The following SLC25A33 variants were observed in gnomAD, a reference collection of about 807,000 sequenced individuals.
The protein encoded by SLC25A33 is solute carrier family 25 member 33, also known as bone marrow stromal cell mitochondrial carrier protein.
In SLC25A33, 15 loss-of-function variants were observed where a neutral mutation model predicts 35.5. That is an observed-to-expected ratio of 0.42 (90% confidence interval 0.28 to 0.65). SLC25A33 has a LOEUF of 0.65. SLC25A33 is among the 30% of genes least tolerant of loss of function. SLC25A33 has a pLI of 0.20. For missense variants in SLC25A33, 257 were observed against 398.5 expected (o/e 0.64, Z 3.02); for synonymous variants, 136 against 148.7 (o/e 0.91, Z 0.62).
intron 2 of SLC25A33, among the ~76,000 whole-genome samples, 191 bp downstream of exon 2, chr1:9,553,996 A>C (rs1362557069): frequency 6.6e-6 from 1 of 152,182 alleles, no homozygotes; most frequent in Non-Finnish European, 1.5e-5. Flanking sequence ...GTCCCAGTGT[A>C]CATGTGACCA....
At chr1:9,554,656 C>CT (rs563110907) in intron 2 of SLC25A33, among the ~76,000 whole-genome samples, 67 of 151,222 alleles carry the variant, frequency 4.4e-4, no homozygotes, top group Middle Eastern at 3.4e-3. Context: ...ACCACACCAG[C>CT]TTTTTTTTTG....
chr1:9,567,185 T>A lies in SLC25A33; in HGVS notation c.237-99T>A, dbSNP rs200451043. On this transcript the variant is annotated intron_variant, in intron 2 of 6. Coordinates refer to ENST00000302692, the MANE Select transcript of SLC25A33 (RefSeq NM_032315.3). The stretch of plus-strand genomic sequence containing the variant: ...GTCGAGCTTGACATCTCTCAAACAT[T>A]TTATTCTCTCAAGGAACTAATGAGA... The A allele has an allele frequency of 1.3e-5, 13 of 1,002,624 alleles. No homozygotes were observed. In the East Asian group the frequency reaches 3.1e-4, roughly 24 times the overall value. The allele number at this position is 1,002,624 out of a possible 1,614,324, so 62.1% of individuals were successfully genotyped here. A position where few individuals can be genotyped will look rare whatever the true frequency, so the allele number is the denominator to read the frequency against.
intron 2 of SLC25A33, among the ~76,000 whole-genome samples, chr1:9,564,765 T>TATATATATATATATATATACAC (rs59741987): frequency 1.0e-3 from 120 of 114,738 alleles, no homozygotes; most frequent in Non-Finnish European, 1.7e-3. Context: ...TATATATATA[T>TATATATATATATATATATACAC]ACACAAAAAT....
chr1:9,580,629 G>A (rs1050401463), intron 6 of SLC25A33, among the ~76,000 whole-genome samples: 2 of 152,022 alleles, frequency 1.3e-5, no homozygotes, highest in African/African-American at 2.4e-5. Context: ...AGGCTGAGGC[G>A]GGCGGATCAT....
At chr1:9,541,836 G>A (rs773340669) in intron 1 of SLC25A33, among the ~76,000 whole-genome samples, 74 of 151,310 alleles carry the variant, frequency 4.9e-4, no homozygotes, top group Admixed American at 1.1e-3. Context: ...GTCTTGCTCT[G>A]TCTCCCAGGC....
rs199932954 is a variant in SLC25A33 at position 9,542,473 on chromosome 1, C to CT, written c.56+2727dup. Among the ~76,000 whole-genome samples the CT allele has an allele frequency of 8.7e-3, 1,320 of 152,280 alleles. 69 individuals are homozygous for CT. The highest frequency in any genetic ancestry group is 0.066 in the Admixed American group (1,003 of 15,280). ...GTAACTAATTGGATTTTGATCCACT[C>CT]TCACTAGCCTAAAATATTTTACTTT... On this transcript the variant is annotated intron_variant, in intron 1 of 6. Transcript: ENST00000302692.
At chr1:9,561,041 C>CCGGATTCAAG in intron 2 of SLC25A33, among the ~76,000 whole-genome samples, 1 of 151,712 alleles carries the variant, frequency 6.6e-6, no homozygotes, top group East Asian at 1.9e-4. Context: ...CCTCTGTCTC[C>CCGGATTCAAG]CGGATTCAAG....
chr1:9,564,545 A>G (rs1160670572), intron 2 of SLC25A33, among the ~76,000 whole-genome samples: 1 of 151,822 alleles, frequency 6.6e-6, no homozygotes, highest in Non-Finnish European at 1.5e-5. Flanking sequence ...TGAATGGATA[A>G]TAAAATGTGG....
At chr1:9,556,045 TG>T in intron 2 of SLC25A33, 2 of 207,010 alleles carry the variant, frequency 9.7e-6, no homozygotes, top group Non-Finnish European at 1.7e-5. Flanking sequence ...GCAGGAAAGT[TG>T]GGGGTGGGTA....
chr1:9,540,958 C>T (rs1342923769), intron 1 of SLC25A33, among the ~76,000 whole-genome samples: 1 of 152,010 alleles, frequency 6.6e-6, no homozygotes, highest in African/African-American at 2.4e-5. Flanking sequence ...CCTTGCAACC[C>T]TTCCCTCCAT....
intron 2 of SLC25A33, chr1:9,556,050 G>GT: frequency 4.4e-6 from 1 of 229,116 alleles, no homozygotes; most frequent in Non-Finnish European, 7.2e-6. Flanking sequence ...AAAGTTGGGG[G>GT]TGGGTACAGG....
At chr1:9,580,255 T>C in intron 6 of SLC25A33, 21 bp downstream of exon 6, 8 of 1,605,720 alleles carry the variant, frequency 5.0e-6, no homozygotes, top group Non-Finnish European at 6.8e-6. Flanking sequence ...CTTTTGTTCT[T>C]CCAGAGCAGT....
chr1:9,540,438 G>C (rs1246313453), intron 1 of SLC25A33, among the ~76,000 whole-genome samples: 1 of 152,038 alleles, frequency 6.6e-6, no homozygotes, highest in Non-Finnish European at 1.5e-5. Flanking sequence ...CTATGGTCAG[G>C]CACCTTTTTT....
chr1:9,574,508 AAC>A (rs988452767), intron 5 of SLC25A33, among the ~76,000 whole-genome samples: 6 of 152,228 alleles, frequency 3.9e-5, no homozygotes, highest in African/African-American at 7.2e-5. Flanking sequence ...AGAAATGATA[AAC>A]AGTGTCCTGT....
At chr1:9,565,586 T>G (rs1357058500) in intron 2 of SLC25A33, among the ~76,000 whole-genome samples, 1 of 150,824 alleles carries the variant, frequency 6.6e-6, no homozygotes, top group Non-Finnish European at 1.5e-5. Flanking sequence ...AAGTTTAAAA[T>G]TAAAGCAGTT....
intron 2 of SLC25A33, among the ~76,000 whole-genome samples, chr1:9,561,959 AGCAATACT>A (rs1469053756): frequency 6.6e-6 from 1 of 151,772 alleles, no homozygotes; most frequent in African/African-American, 2.4e-5. Flanking sequence ...CCCTTAAAAG[AGCAATACT>A]GTTTGAACCC....
chr1:9,566,599 C>T (rs1643509516), intron 2 of SLC25A33, among the ~76,000 whole-genome samples: 1 of 152,116 alleles, frequency 6.6e-6, no homozygotes, highest in Non-Finnish European at 1.5e-5. Context: ...GTAATCCCAG[C>T]ACTTTGTGAG....
chr1:9,563,644 CAT>C (rs1643457347), intron 2 of SLC25A33, among the ~76,000 whole-genome samples: 1 of 152,112 alleles, frequency 6.6e-6, no homozygotes, highest in Admixed American at 6.5e-5. Context: ...ACATCTTTTC[CAT>C]AAAGTGAAAG....
At position 9,571,655 on chromosome 1, in the gene SLC25A33, T is replaced by G. The variant is rs529951329; in HGVS notation, c.415+1297T>G. On this transcript the variant is annotated intron_variant, in intron 4 of 6. Transcript: ENST00000302692. Reference sequence around the variant, plus strand: ...TTTTTTAATTGGTATTGTTTTGTTTTGATACAGGGTCTGGCTGTGTCACCT... The same window carrying G: ...TTTTTTAATTGGTATTGTTTTGTTTGGATACAGGGTCTGGCTGTGTCACCT... Among the ~76,000 whole-genome samples the G allele has an allele frequency of 4.0e-4, 60 of 151,826 alleles. 1 individual carries two copies. Among genetic ancestry groups the G allele is most frequent in the Non-Finnish European group, 8.0e-4 (54 of 67,920 alleles).
Sources: gnomAD v4.1 joint callset for allele counts (sites outside exome capture counted in the v4.1 genomes callset) on GRCh38, gnomAD v4.1.1 for gene constraint, MANE v1.5 for transcripts, NCBI Gene and HGNC (gene_info 2026-07-23, HGNC 2026-07-21) for gene names.